Variants in EXOC3L4 observed in about 807,000 individuals in gnomAD.
EXOC3L4 encodes the protein exocyst complex component 3 like 4.
A neutral mutation model predicts 69.7 loss-of-function variants in EXOC3L4; 62 were observed. The ratio of observed to expected loss-of-function variants is 0.89; its 90% CI spans 0.72 to 1.10. The LOEUF (loss-of-function observed/expected upper bound fraction) is 1.10. EXOC3L4 is among the 50% of genes least tolerant of loss of function. The pLI is 0.00. For synonymous variants in EXOC3L4, 502 were observed against 464.2 expected (o/e 1.08, Z -1.05); for missense variants, 1,087 against 1,034.8 (o/e 1.05, Z -0.69).
Position 103,104,385 on chromosome 14 carries a change from A to C in EXOC3L4, c.1280A>C (p.His427Pro). 3 of 1,573,786 alleles carry C rather than the reference A, an allele frequency of 1.9e-6. No individual in the cohort carries two copies. The highest frequency in any genetic ancestry group is 2.6e-6 in the Non-Finnish European group (3 of 1,161,244). Residue 427 changes from histidine to proline, a missense_variant, in exon 5 of 12, where the codon CAT (histidine) becomes CCT (proline). His to Pro is a moderately conservative substitution (Grantham distance 77). Transcript: ENST00000688303. ...LYQAPLSMDV[H>P]MLVAEHVKAA... is the part of the protein sequence containing the mutation. ...CAGGCGCCGCTGTCCATGGACGTCC[A>C]TATGGTGCGGCCCGGGAGCAGGGGC...
rs770339782 is a variant in EXOC3L4 at position 103,107,466 on chromosome 14, G to T, written c.1624G>T (p.Asp542Tyr). 1.2e-6 allele frequency: 2 copies of T among 1,613,922 alleles called. No homozygotes were observed. Among genetic ancestry groups the T allele is most frequent in the East Asian group, 2.2e-5 (1 of 44,874 alleles). The change falls in exon 9 of 12, where the codon GAC becomes TAC. Residue 542 changes from aspartate to tyrosine, a missense_variant. By Grantham distance (160) the Asp-to-Tyr change is radical. Coordinates refer to ENST00000688303, the MANE Select transcript of EXOC3L4 (RefSeq NM_001077594.2). The part of the protein sequence containing the change: ...VVCTRDWLTQ[D>Y]WLHPLMDKVV... ...GTGCACCAGGGACTGGCTGACGCAG[G>T]ACTGGCTGCATCCCCTCATGGACAA...
chr14:103,108,909 T>A (rs187147511), intron 11 of EXOC3L4, among the ~76,000 whole-genome samples: 3 of 152,102 alleles, frequency 2.0e-5, no homozygotes, highest in African/African-American at 7.2e-5. Flanking sequence ...AAATCCCAGC[T>A]CGAATCTCTC....
chr14:103,098,341 T>C (rs528506902), intron 1 of EXOC3L4, among the ~76,000 whole-genome samples: 3 of 151,982 alleles, frequency 2.0e-5, no homozygotes, highest in African/African-American at 7.2e-5. Flanking sequence ...TCCCTGGGGG[T>C]GGAGACGTGG....
At chr14:103,107,602 G>T (rs1393848133) in intron 9 of EXOC3L4, 29 bp from the exon 10 acceptor site, 1 of 1,602,154 alleles carries the variant, frequency 6.2e-7, no homozygotes, top group Non-Finnish European at 8.5e-7. Flanking sequence ...TGTTGACCCT[G>T]ACCCTGACCC....
At chr14:103,104,908 C>A (rs1402938071) in intron 6 of EXOC3L4, 70 bp downstream of exon 6, 7 of 1,560,152 alleles carry the variant, frequency 4.5e-6, no homozygotes, top group East Asian at 4.6e-5. Context: ...GAGGAGTCTG[C>A]GTAGGGACCT....
At chr14:103,103,793 C>CGTGTGT (rs775120339) in intron 3 of EXOC3L4, 148 bp from the exon 4 acceptor site, 6,767 of 452,024 alleles carry the variant, frequency 0.015, 43 homozygotes, top group East Asian at 0.032. Flanking sequence ...TAGAGGCGCG[C>CGTGTGT]GCGCGTGTGT....
At position 103,103,995 on chromosome 14, in the gene EXOC3L4, G is replaced by A; in HGVS notation, c.1104G>A (p.Pro368=). 6.3e-7 allele frequency: 1 copy of A among 1,574,942 alleles called. No homozygotes were observed. The highest frequency in any genetic ancestry group is 8.6e-7 in the Non-Finnish European group (1 of 1,165,908). ...CGCTGCCCGCCGAGCCGCTGCCTCC[G>A]CTCCTGGCGCCGGACGTGTGGGCCC... ...GLALPAEPLP[P]LLAPDVWARL... is the part of the protein sequence containing the mutation. Residue 368 remains proline, a synonymous_variant, in exon 4 of 12, where the codon CCG becomes CCA. Coordinates refer to ENST00000688303, the MANE Select transcript of EXOC3L4 (RefSeq NM_001077594.2).
chr14:103,108,479 G>T lies in EXOC3L4; in HGVS notation c.1938G>T (p.Arg646=). The change falls in exon 11 of 12, where the codon CGG becomes CGT. Residue 646 remains arginine, a synonymous_variant. Transcript: ENST00000688303. ...AGACCTACAAAGATGACATCCAGCG[G>T]CACCTGGAGACTCTTATCCGGAGCT... is the stretch of plus-strand genomic sequence containing the variant. ...LGETYKDDIQ[R]HLETLIRSYP... The T allele has an allele frequency of 6.2e-7, 1 of 1,613,934 alleles. No individual in the cohort carries two copies. The highest frequency in any genetic ancestry group is 8.5e-7 in the Non-Finnish European group (1 of 1,179,880).
intron 2 of EXOC3L4, 70 bp downstream of exon 2, chr14:103,100,683 TTTC>T: frequency 6.7e-7 from 1 of 1,486,714 alleles, no homozygotes; most frequent in East Asian, 2.4e-5. Flanking sequence ...TCAGCTGAGG[TTTC>T]CGGAAAGGCT....
At chr14:103,095,352 C>T (rs1017658461) in intron 1 of EXOC3L4, among the ~76,000 whole-genome samples, 4 of 152,324 alleles carry the variant, frequency 2.6e-5, no homozygotes, top group East Asian at 1.9e-4. Context: ...ACTGTCCCTC[C>T]GTCATGGCAG....
rs10137551 is a variant in EXOC3L4 at position 103,105,977 on chromosome 14, A to C, written c.1467-808A>C. 5.8e-3 allele frequency among the ~76,000 whole-genome samples: 883 copies of C among 152,282 alleles called. 8 individuals carry two copies. Among genetic ancestry groups the C allele is most frequent in the African/African-American group, 0.02 (842 of 41,542 alleles). ...GCCACCTGTCAAATAGGATCAGAGC[A>C]CCTGCTCCCTGGGGTGGTGTGGGAC... On this transcript the variant is annotated intron_variant, in intron 7 of 11. Transcript: ENST00000688303.
Position 103,105,117 on chromosome 14 carries a change from GGGC to G in EXOC3L4, c.1466+47_1466+49del, listed in dbSNP as rs564794915. 9.2e-4 allele frequency: 1,441 copies of G among 1,563,826 alleles called. 11 individuals are homozygous for G. In the African/African-American group the frequency reaches 0.018, roughly 19 times the overall value. Reference sequence around the variant, plus strand: ...GTGCGGGCGCAGCGTGGCCAGCAGGGGGCGCGCGAGCGCCGGGAACCTGGATGG... The same window carrying G: ...GTGCGGGCGCAGCGTGGCCAGCAGGGGCGCGAGCGCCGGGAACCTGGATGG... On this transcript the variant is annotated intron_variant, in intron 7 of 11. Transcript: ENST00000688303.
intron 1 of EXOC3L4, among the ~76,000 whole-genome samples, chr14:103,098,225 G>T (rs563767206): frequency 2.0e-5 from 3 of 152,090 alleles, no homozygotes; most frequent in Admixed American, 1.3e-4. Context: ...CCCGGCGCTC[G>T]TCTGGGCTTC....
At position 103,102,363 on chromosome 14, in the gene EXOC3L4, C is replaced by G. The variant is rs1039404777; in HGVS notation, c.640C>G (p.Leu214Val). The change falls in exon 3 of 12, where the codon CTG (leucine) becomes GTG (valine). Residue 214 changes from leucine to valine, a missense_variant. Physicochemically the swap from Leu to Val is conservative, Grantham distance 32 (BLOSUM62 1). Transcript: ENST00000688303. ...TGTGGACGCGGCCGCGCTGGCCGAG[C>G]TGGCCCGCGTGGTGAGCGCGGAGGA... ...DGVDAAALAE[L>V]ARVVSAEEEA... is the part of the protein sequence containing the mutation. The G allele has an allele frequency of 3.2e-6, 5 of 1,562,318 alleles. No homozygotes were observed. In the African/African-American group the frequency reaches 4.1e-5, roughly 13 times the overall value.
At position 103,110,352 on chromosome 14, in the gene EXOC3L4, G is replaced by C; in HGVS notation, c.*129G>C. The C allele has an allele frequency of 1.7e-6, 2 of 1,148,760 alleles. No individual in the cohort carries two copies. Among genetic ancestry groups the C allele is most frequent in the African/African-American group, 1.5e-5 (1 of 65,402 alleles). The allele number at this position is 1,148,760 out of a possible 1,614,324, so 71.2% of individuals were successfully genotyped here. Reference sequence around the variant, plus strand: ...ACACTGCAGTTAGGGAATTTTTGTCGTCAGCAGCCAAGCGCAGCTGTCAGG... The same window carrying C: ...ACACTGCAGTTAGGGAATTTTTGTCCTCAGCAGCCAAGCGCAGCTGTCAGG... On this transcript the variant is annotated 3_prime_UTR_variant, in exon 12 of 12. Transcript: ENST00000688303.
At chr14:103,102,071 G>C (rs773978554) in intron 2 of EXOC3L4, 47 bp from the exon 3 acceptor site, 6 of 1,546,356 alleles carry the variant, frequency 3.9e-6, no homozygotes, top group Non-Finnish European at 5.2e-6. Flanking sequence ...TCCAGGTTCG[G>C]GTCTTGGGGC....
At position 103,106,762 on chromosome 14, in the gene EXOC3L4, C is replaced by T. The variant is rs200478246; in HGVS notation, c.1467-23C>T. ...GCCTGGTCTCCCTTGCCCACCTCAT[C>T]GCTGGTCCTGGCCCCTCCCCAGGAC... is the stretch of plus-strand genomic sequence containing the variant. On this transcript the variant is annotated intron_variant, in intron 7 of 11. Coordinates refer to ENST00000688303, the MANE Select transcript of EXOC3L4 (RefSeq NM_001077594.2). 22 of 1,491,410 alleles carry T rather than the reference C, an allele frequency of 1.5e-5. No homozygotes were observed. The African/African-American group carries it at 2.2e-4, about 15-fold the overall frequency. 92.4% of individuals were successfully genotyped at this position (1,491,410 alleles called of 1,614,324 possible). A position where few individuals can be genotyped will look rare whatever the true frequency, so the allele number is the denominator to read the frequency against.
At chr14:103,109,804 A>C in intron 11 of EXOC3L4, among the ~76,000 whole-genome samples, 1 of 144,918 alleles carries the variant, frequency 6.9e-6, no homozygotes, top group Non-Finnish European at 1.5e-5. Flanking sequence ...CACTCTGCAC[A>C]CCCCTCTCCT....
chr14:103,110,554 T>C lies in EXOC3L4; in HGVS notation c.*331T>C. 1 of 393,024 alleles carries C rather than the reference T, an allele frequency of 2.5e-6. No individual in the cohort carries two copies. The highest frequency in any genetic ancestry group is 4.9e-6 in the Non-Finnish European group (1 of 205,854). The allele number at this position is 393,024 out of a possible 1,614,324, so 24.3% of individuals were successfully genotyped here. On this transcript the variant is annotated 3_prime_UTR_variant, in exon 12 of 12. Coordinates refer to ENST00000688303, the MANE Select transcript of EXOC3L4 (RefSeq NM_001077594.2). ...TATTTATTTAAAAAATAAATGTGAA[T>C]TAAAATGGTGCCTCCCTAAGGAGTG... is the stretch of plus-strand genomic sequence containing the variant.
Sources: gnomAD v4.1 joint callset for allele counts (sites outside exome capture counted in the v4.1 genomes callset) on GRCh38, gnomAD v4.1.1 for gene constraint, MANE v1.5 for transcripts, NCBI Gene and HGNC (gene_info 2026-07-23, HGNC 2026-07-21) for gene names.